Variants in CHERP observed in about 807,000 individuals in gnomAD.
CHERP encodes the protein ERPROT 213-21.
A neutral mutation model predicts 113.8 loss-of-function variants in CHERP; 8 were observed. That is an observed-to-expected ratio of 0.07 (90% CI 0.04 to 0.13). The LOEUF (loss-of-function observed/expected upper bound fraction) is 0.13. CHERP is among the 10% of genes least tolerant of loss of function. The probability of loss-of-function intolerance (pLI) is 1.00; values close to 1 mark genes in which losing one functional copy is unlikely to be tolerated. For missense variants in CHERP, 884 were observed against 1,298.2 expected (o/e 0.68, Z 4.90); for synonymous variants, 559 against 524.5 (o/e 1.07, Z -0.90).
chr19:16,523,183 G>A lies in CHERP; in HGVS notation c.1849C>T (p.His617Tyr), dbSNP rs938894147. ...TGTGGGGGCTGCCCGTTGAAGCCAT[G>A]GGGGGGAGGGCCGAAGTCAGGGTGC... ...PQHPDFGPPP[H>Y]GFNGQPPHMR... The change falls in exon 11 of 17, where the codon CAT (histidine) becomes TAT (tyrosine). Residue 617 changes from histidine to tyrosine, a missense_variant. Physicochemically the swap from His to Tyr is moderately conservative, Grantham distance 83. This residue lies in a region of CHERP where 464 missense variants were observed against 590.1 expected (regional missense o/e 0.79). Coordinates refer to ENST00000546361, the MANE Select transcript of CHERP (RefSeq NM_006387.6). The surrounding 1 kb of genome is among the most constrained non-coding windows in gnomAD (Gnocchi z 4.0). The A allele has an allele frequency of 3.8e-6, 6 of 1,567,086 alleles. No individual in the cohort carries two copies. In the African/African-American group the frequency reaches 8.4e-5, roughly 22 times the overall value.
chr19:16,536,429 C>T (rs1826325866), intron 2 of CHERP, among the ~76,000 whole-genome samples: 1 of 152,152 alleles, frequency 6.6e-6, no homozygotes, highest in Non-Finnish European at 1.5e-5. Flanking sequence ...TAAATGTGAC[C>T]AGGTACCCCT....
Position 16,519,799 on chromosome 19 carries a change from C to T in CHERP, c.2463-84G>A. Reference sequence around the variant, plus strand: ...AGTGATGAGGACCTCACAGCCGCAGCTTGCGTGCATGCTCACTGTCACCAG... The same window carrying T: ...AGTGATGAGGACCTCACAGCCGCAGTTTGCGTGCATGCTCACTGTCACCAG... On this transcript the variant is annotated intron_variant, in intron 15 of 16. Transcript: ENST00000546361. The surrounding 1 kb of genome is among the most constrained non-coding windows in gnomAD (Gnocchi z 6.0). 1 of 1,177,340 alleles carries T rather than the reference C, an allele frequency of 8.5e-7. No homozygotes were observed. Among genetic ancestry groups the T allele is most frequent in the Non-Finnish European group, 1.3e-6 (1 of 784,036 alleles). The allele number at this position is 1,177,340 out of a possible 1,614,324, so 72.9% of individuals were successfully genotyped here.
At chr19:16,529,542 A>T in intron 8 of CHERP, 106 bp downstream of exon 8, 1 of 1,382,400 alleles carries the variant, frequency 7.2e-7, no homozygotes, top group Non-Finnish European at 9.7e-7. Flanking sequence ...GGGACGAGGG[A>T]ACAAGAACTG....
intron 2 of CHERP, chr19:16,541,537 C>T (rs1265378253): frequency 4.1e-6 from 1 of 245,560 alleles, no homozygotes; most frequent in Non-Finnish European, 7.8e-6. Context: ...CCCATGGACT[C>T]CCATCCGGCC....
intron 3 of CHERP, among the ~76,000 whole-genome samples, chr19:16,534,738 T>C (rs891773732): frequency 2.0e-5 from 3 of 152,088 alleles, no homozygotes; most frequent in African/African-American, 7.2e-5. Flanking sequence ...CCTCCCAAAG[T>C]GCTGGGATTA....
chr19:16,529,784 C>T lies in CHERP; in HGVS notation c.993G>A (p.Gln331=). 6.2e-7 allele frequency: 1 copy of T among 1,613,314 alleles called. No homozygotes were observed. The highest frequency in any genetic ancestry group is 8.5e-7 in the Non-Finnish European group (1 of 1,179,878). Residue 331 remains glutamine (Q), a synonymous_variant, in exon 8 of 17, where the codon CAG becomes CAA. Transcript: ENST00000546361. ...GCTGCTGCTGTTGCTGCTGCTGCTG[C>T]TGCTGGGCCAGGCTGGTGACAAACT... ...HEEFVTSLAQ[Q]QQQQQQQQQQ... is the part of the protein sequence containing the mutation.
intron 9 of CHERP, among the ~76,000 whole-genome samples, chr19:16,527,357 G>C (rs1304306455): frequency 6.6e-6 from 1 of 152,216 alleles, no homozygotes; most frequent in East Asian, 1.9e-4. Context: ...GTGTCCTGAA[G>C]CTGGGGATGG....
chr19:16,519,453 G>A lies in CHERP; in HGVS notation c.2558-101C>T. 1 of 1,363,484 alleles carries A rather than the reference G, an allele frequency of 7.3e-7. No individual in the cohort carries two copies. Among genetic ancestry groups the A allele is most frequent in the Non-Finnish European group, 1.0e-6 (1 of 984,734 alleles). 84.5% of individuals were successfully genotyped at this position (1,363,484 alleles called of 1,614,324 possible). On this transcript the variant is annotated intron_variant, in intron 16 of 16. Transcript: ENST00000546361. This position sits in a 1 kb window ranked among gnomAD's most constrained non-coding sequence, Gnocchi z 6.0. ...GACAGGCAGTGTAGACATGGGAAAT[G>A]GGTAGAGAGAACCCGCAGGCCGGCC...
intron 2 of CHERP, among the ~76,000 whole-genome samples, chr19:16,536,961 G>A (rs1599754819): frequency 6.6e-6 from 1 of 152,158 alleles, no homozygotes; most frequent in Non-Finnish European, 1.5e-5. Context: ...GCAGTGAGCC[G>A]AGATGGCGCC....
Position 16,518,917 on chromosome 19 carries a change from C to G in CHERP, c.*242G>C. The G allele has an allele frequency of 9.0e-6, 5 of 553,552 alleles. No homozygotes were observed. Among genetic ancestry groups the G allele is most frequent in the Non-Finnish European group, 1.6e-5 (5 of 316,930 alleles). 34.3% of individuals were successfully genotyped at this position (553,552 alleles called of 1,614,324 possible). Reference sequence around the variant, plus strand: ...TTGCTTCGCTATAAAGGAAAACGAGCCTGGGGCCCTGGTGGCTGCAGCGCC... The same window carrying G: ...TTGCTTCGCTATAAAGGAAAACGAGGCTGGGGCCCTGGTGGCTGCAGCGCC... On this transcript the variant is annotated 3_prime_UTR_variant, in exon 17 of 17. Coordinates refer to ENST00000546361, the MANE Select transcript of CHERP (RefSeq NM_006387.6).
chr19:16,528,174 C>G lies in CHERP; in HGVS notation c.1211G>C (p.Gly404Ala). The stretch of plus-strand genomic sequence containing the variant: ...GTCGTGTGGCCCGGGGCCCCGGGGG[C>G]CGGCAGCTGCAGGATCCTGGACCCC... ...PGGVQDPAAA[G>A]PRGPGPHDQI... The change falls in exon 9 of 17, where the codon GGC becomes GCC. Residue 404 changes from glycine to alanine, a missense_variant. By Grantham distance (60) the Gly-to-Ala change is moderately conservative. This residue lies in a region of CHERP where 464 missense variants were observed against 590.1 expected (regional missense o/e 0.79). Transcript: ENST00000546361. 4 of 1,613,060 alleles carry G rather than the reference C, an allele frequency of 2.5e-6. No homozygotes were observed. Among genetic ancestry groups the G allele is most frequent in the Non-Finnish European group, 1.7e-6 (2 of 1,179,680 alleles).
rs200178052 is a variant in CHERP, at chr19:16,530,686, A to G, written c.787-12T>C. The G allele has an allele frequency of 5.0e-6, 8 of 1,613,910 alleles. No individual in the cohort carries two copies. Among genetic ancestry groups the G allele is most frequent in the East Asian group, 2.2e-5 (1 of 44,874 alleles). On this transcript the variant is annotated splice_polypyrimidine_tract_variant and intron_variant, in intron 6 of 16. Coordinates refer to ENST00000546361, the MANE Select transcript of CHERP (RefSeq NM_006387.6). This position sits in a 1 kb window ranked among gnomAD's most constrained non-coding sequence, Gnocchi z 4.1. ...CAGAGCTGCAGGAGCTGGCGGTGGG[A>G]GGAGAGAGAGGCCGGGTCAGTGGGG... is the stretch of plus-strand genomic sequence containing the variant.
chr19:16,524,347 G>C (rs1427684511), intron 10 of CHERP, among the ~76,000 whole-genome samples: 5 of 152,146 alleles, frequency 3.3e-5, no homozygotes, highest in African/African-American at 9.7e-5. Flanking sequence ...CTGAGGTCAG[G>C]AGTTCGAGAC....
Position 16,528,238 on chromosome 19 carries a change from T to C in CHERP, c.1147A>G (p.Ile383Val), listed in dbSNP as rs1191275799. 10 of 1,587,728 alleles carry C rather than the reference T, an allele frequency of 6.3e-6. No homozygotes were observed. Among genetic ancestry groups the C allele is most frequent in the Non-Finnish European group, 7.7e-6 (9 of 1,169,328 alleles). Reference protein sequence around the residue: ...TTQPDDSKPPIQMPGSSEYEA... With the variant: ...TTQPDDSKPPVQMPGSSEYEA... ...TACTCTGAAGAGCCAGGCATCTGGA[T>C]GGGAGGCTTGCTGTCATCTAAATCC... The change falls in exon 9 of 17, where the codon ATC (isoleucine) becomes GTC (valine). Residue 383 changes from isoleucine (I) to valine (V), a missense_variant. This residue lies in a region of CHERP where 464 missense variants were observed against 590.1 expected (regional missense o/e 0.79). Coordinates refer to ENST00000546361, the MANE Select transcript of CHERP (RefSeq NM_006387.6).
chr19:16,518,913 C>T lies in CHERP; in HGVS notation c.*246G>A, dbSNP rs531994416. The T allele has an allele frequency of 2.7e-5, 15 of 546,990 alleles. No individual in the cohort carries two copies. The highest frequency in any genetic ancestry group is 1.1e-4 in the Admixed American group (3 of 27,646). The allele number at this position is 546,990 out of a possible 1,614,324, so 33.9% of individuals were successfully genotyped here. On this transcript the variant is annotated 3_prime_UTR_variant, in exon 17 of 17. Transcript: ENST00000546361. ...TTTTTTGCTTCGCTATAAAGGAAAACGAGCCTGGGGCCCTGGTGGCTGCAG... is the reference window on the plus strand; with the variant it reads ...TTTTTTGCTTCGCTATAAAGGAAAATGAGCCTGGGGCCCTGGTGGCTGCAG...
In CHERP at chr19:16,520,338, A is replaced by T. The variant is rs1227017763; in HGVS notation, c.2345+26T>A. ...GAGGCCACAGGAAGAGGCCTCAGGCACTGCCCTGAGGCAGCCTCTGCCTAC... is the reference window on the plus strand; with the variant it reads ...GAGGCCACAGGAAGAGGCCTCAGGCTCTGCCCTGAGGCAGCCTCTGCCTAC... On this transcript the variant is annotated intron_variant, in intron 14 of 16. Coordinates refer to ENST00000546361, the MANE Select transcript of CHERP (RefSeq NM_006387.6). The surrounding 1 kb of genome is among the most constrained non-coding windows in gnomAD (Gnocchi z 4.0). The T allele has an allele frequency of 6.2e-7, 1 of 1,611,304 alleles. No homozygotes were observed. The highest frequency in any genetic ancestry group is 1.7e-5 in the Admixed American group (1 of 59,890).
rs1273926779 is a variant in CHERP, at chr19:16,532,855, G to C, written c.523-106C>G. ...ATCAGCTCAGGGAAGGACACACCATGAGCGTGGGGGGCACAGGGTCCCACA... is the reference window on the plus strand; with the variant it reads ...ATCAGCTCAGGGAAGGACACACCATCAGCGTGGGGGGCACAGGGTCCCACA... On this transcript the variant is annotated intron_variant, in intron 4 of 16. Transcript: ENST00000546361. The surrounding 1 kb of genome is among the most constrained non-coding windows in gnomAD (Gnocchi z 4.4). 1 of 1,540,022 alleles carries C rather than the reference G, an allele frequency of 6.5e-7. No individual in the cohort carries two copies. The highest frequency in any genetic ancestry group is 1.4e-5 in the African/African-American group (1 of 73,484).
Position 16,532,935 on chromosome 19 carries a change from C to T in CHERP, c.522+76G>A. ...GCACCCATTGTAACAGCCCTTAGCCCAGATTGGCTACGACAGGCCCTGCCT... is the reference window on the plus strand; with the variant it reads ...GCACCCATTGTAACAGCCCTTAGCCTAGATTGGCTACGACAGGCCCTGCCT... On this transcript the variant is annotated intron_variant, in intron 4 of 16. Coordinates refer to ENST00000546361, the MANE Select transcript of CHERP (RefSeq NM_006387.6). This position sits in a 1 kb window ranked among gnomAD's most constrained non-coding sequence, Gnocchi z 4.4. 1 of 1,538,232 alleles carries T rather than the reference C, an allele frequency of 6.5e-7. No individual in the cohort carries two copies. Among genetic ancestry groups the T allele is most frequent in the South Asian group, 1.2e-5 (1 of 82,722 alleles).
At chr19:16,522,190 C>A (rs983072264) in intron 11 of CHERP, among the ~76,000 whole-genome samples, 2 of 152,078 alleles carry the variant, frequency 1.3e-5, no homozygotes, top group African/African-American at 4.8e-5. Flanking sequence ...GTGGATGTGT[C>A]TGAGGGGGTG....
Sources: allele counts gnomAD v4.1 joint callset (sites outside exome capture counted in the v4.1 genomes callset), GRCh38; gene constraint gnomAD v4.1.1; regional missense constraint gnomAD v4.1.1; non-coding constraint Gnocchi (gnomAD v3.1); transcripts MANE v1.5; gene names NCBI Gene and HGNC (gene_info 2026-07-23, HGNC 2026-07-21).